The following HS6ST3 variants were observed in gnomAD, a reference collection of about 807,000 sequenced individuals.
The protein encoded by HS6ST3 is heparan-sulfate 6-O-sulfotransferase 3.
A neutral mutation model predicts 36.7 loss-of-function variants in HS6ST3; 12 were observed. The observed-to-expected ratio is 0.33, with a 90% CI of 0.21 to 0.53. HS6ST3 has a LOEUF of 0.53. Among genes scored for constraint, HS6ST3 ranks in the 20% least tolerant of loss-of-function variants. The probability of loss-of-function intolerance (pLI) is 0.95; values close to 1 mark genes in which losing one functional copy is unlikely to be tolerated. For synonymous variants in HS6ST3, 240 were observed against 257.5 expected (o/e 0.93, Z 0.65); for missense variants, 584 against 640.9 (o/e 0.91, Z 0.96).
chr13:96,443,197 A>G lies in HS6ST3; in HGVS notation c.707+351628A>G, dbSNP rs528445820. ...AAATTTGAAAAATGATTTTTTTTGT[A>G]AAAAAATTTTACATTTTTATAAATG... On this transcript the variant is annotated intron_variant, in intron 1 of 1. Coordinates refer to ENST00000376705, the MANE Select transcript of HS6ST3 (RefSeq NM_153456.4). Among the ~76,000 whole-genome samples the G allele has an allele frequency of 3.1e-4, 47 of 152,160 alleles. No individual in the cohort carries two copies. In the East Asian group the frequency reaches 8.3e-3, roughly 27 times the overall value.
intron 1 of HS6ST3, among the ~76,000 whole-genome samples, chr13:96,711,685 A>C (rs1257364829): frequency 6.6e-6 from 1 of 152,206 alleles, no homozygotes; most frequent in Non-Finnish European, 1.5e-5. Context: ...TCAATTAAGC[A>C]TCTGCATATC....
At chr13:96,537,566 C>A (rs973129791) in intron 1 of HS6ST3, among the ~76,000 whole-genome samples, 2 of 152,170 alleles carry the variant, frequency 1.3e-5, no homozygotes, top group African/African-American at 4.8e-5. Context: ...GCATTTGTTT[C>A]TTTCCCTAAA....
chr13:96,619,430 T>A (rs2056486269), intron 1 of HS6ST3, among the ~76,000 whole-genome samples: 1 of 152,232 alleles, frequency 6.6e-6, no homozygotes, highest in African/African-American at 2.4e-5. Flanking sequence ...TTTTTAGTAT[T>A]TATCAAGTGC....
chr13:96,460,284 G>A (rs2055777611), intron 1 of HS6ST3, among the ~76,000 whole-genome samples: 1 of 152,158 alleles, frequency 6.6e-6, no homozygotes, highest in Non-Finnish European at 1.5e-5. Context: ...ATAGTACTGG[G>A]AATTTAGCAA....
intron 1 of HS6ST3, among the ~76,000 whole-genome samples, chr13:96,194,695 A>G (rs1015906734): frequency 2.6e-5 from 4 of 152,042 alleles, no homozygotes; most frequent in African/African-American, 9.7e-5. Context: ...TGATCTCCAG[A>G]ACTTATTCAT....
chr13:96,573,206 CT>C, intron 1 of HS6ST3, among the ~76,000 whole-genome samples: 1 of 152,278 alleles, frequency 6.6e-6, no homozygotes, highest in Non-Finnish European at 1.5e-5. Context: ...GAGTTCTTTT[CT>C]TATTTCTATT....
At chr13:96,237,363 C>CCTT (rs2054539554) in intron 1 of HS6ST3, among the ~76,000 whole-genome samples, 1 of 152,026 alleles carries the variant, frequency 6.6e-6, no homozygotes, top group Admixed American at 6.5e-5. Flanking sequence ...TCTTCCTCTT[C>CCTT]CTTCTCTTCC....
intron 1 of HS6ST3, among the ~76,000 whole-genome samples, chr13:96,395,018 T>C (rs1055951461): frequency 6.6e-6 from 1 of 152,150 alleles, no homozygotes; most frequent in African/African-American, 2.4e-5. Context: ...ACTGTGAATA[T>C]CTTTCTATTA....
intron 1 of HS6ST3, among the ~76,000 whole-genome samples, chr13:96,266,914 T>C (rs2054695205): frequency 6.6e-6 from 1 of 152,186 alleles, no homozygotes; most frequent in Non-Finnish European, 1.5e-5. Context: ...TCTAACCATT[T>C]CTGAAAGATT....
intron 1 of HS6ST3, among the ~76,000 whole-genome samples, chr13:96,800,028 G>GTATATATATATATATGTATATATATATAT: frequency 7.9e-6 from 1 of 126,468 alleles, no homozygotes; most frequent in African/African-American, 3.0e-5. Flanking sequence ...ATATATATAT[G>GTATATATATATATATGTATATATATATAT]GAAGAGAGAA....
intron 1 of HS6ST3, among the ~76,000 whole-genome samples, chr13:96,698,434 C>G (rs951903818): frequency 6.6e-6 from 1 of 152,096 alleles, no homozygotes; most frequent in Admixed American, 6.6e-5. Flanking sequence ...TTTTCTTAAT[C>G]CAGTCTATCA....
chr13:96,741,851 A>T (rs1486305184), intron 1 of HS6ST3, among the ~76,000 whole-genome samples: 1 of 152,162 alleles, frequency 6.6e-6, no homozygotes, highest in Non-Finnish European at 1.5e-5. Flanking sequence ...CTCATTGAAC[A>T]CATGGATGGA....
chr13:96,423,452 G>A lies in HS6ST3; in HGVS notation c.707+331883G>A, dbSNP rs546621348. Among the ~76,000 whole-genome samples, 3 of 152,088 alleles carry A rather than the reference G, an allele frequency of 2.0e-5. No individual in the cohort carries two copies. The East Asian group carries it at 5.8e-4, about 29-fold the overall frequency. On this transcript the variant is annotated intron_variant, in intron 1 of 1. Coordinates refer to ENST00000376705, the MANE Select transcript of HS6ST3 (RefSeq NM_153456.4). ...ACGGTGAAAAATAATAAAGTGAGTA[G>A]ATTGGCTGGAGAGTGTGCTGGGGTC...
chr13:96,240,653 TG>T (rs1382598468), intron 1 of HS6ST3, among the ~76,000 whole-genome samples: 2 of 152,092 alleles, frequency 1.3e-5, no homozygotes, highest in Non-Finnish European at 2.9e-5. Flanking sequence ...TAGAGAAAAG[TG>T]GCAGAGATGG....
At chr13:96,701,967 GA>G (rs1348695298) in intron 1 of HS6ST3, among the ~76,000 whole-genome samples, 1 of 152,086 alleles carries the variant, frequency 6.6e-6, no homozygotes, top group Non-Finnish European at 1.5e-5. Context: ...AACTCACAAA[GA>G]AATGGCCTAT....
intron 1 of HS6ST3, among the ~76,000 whole-genome samples, chr13:96,608,282 A>G (rs1359858644): frequency 3.3e-5 from 5 of 152,262 alleles, no homozygotes; most frequent in Non-Finnish European, 7.3e-5. Context: ...TCTTTATAAA[A>G]GTAATTTCAA....
At chr13:96,337,082 A>T (rs2055105355) in intron 1 of HS6ST3, among the ~76,000 whole-genome samples, 2 of 152,038 alleles carry the variant, frequency 1.3e-5, no homozygotes, top group Non-Finnish European at 2.9e-5. Flanking sequence ...TTGTTTTGAG[A>T]TGGAGTCTCA....
At chr13:96,569,382 C>A (rs2056292959) in intron 1 of HS6ST3, among the ~76,000 whole-genome samples, 1 of 152,128 alleles carries the variant, frequency 6.6e-6, no homozygotes. Flanking sequence ...TGCCATAAGT[C>A]TGAAAAGGAG....
intron 1 of HS6ST3, among the ~76,000 whole-genome samples, chr13:96,234,620 T>TA (rs1245539723): frequency 6.6e-6 from 1 of 151,988 alleles, no homozygotes; most frequent in Non-Finnish European, 1.5e-5. Flanking sequence ...CTCCCCTTTA[T>TA]AAAACCATCA....
Sources: allele counts gnomAD v4.1 joint callset (sites outside exome capture counted in the v4.1 genomes callset), GRCh38; gene constraint gnomAD v4.1.1; transcripts MANE v1.5; gene names NCBI Gene and HGNC (gene_info 2026-07-23, HGNC 2026-07-21).